LRCH1: variants seen among roughly 807,000 people sequenced by gnomAD.
LRCH1 encodes the protein leucine-rich repeat and calponin homology domain-containing protein 1.
In LRCH1, 23 loss-of-function variants were observed where a neutral mutation model predicts 94.9. The observed-to-expected ratio is 0.24, with a 90% CI of 0.17 to 0.34. LRCH1 has a LOEUF of 0.34. Among genes scored for constraint, LRCH1 ranks in the 10% least tolerant of loss-of-function variants. The pLI is 1.00. For missense variants in LRCH1, 790 were observed against 945.9 expected, an observed-to-expected ratio of 0.84 and a Z score of 2.16; for synonymous variants, 364 against 354.9, an observed-to-expected ratio of 1.03 and a Z score of -0.29.
intron 7 of LRCH1, among the ~76,000 whole-genome samples, chr13:46,692,202 GAA>G (rs1870934319): frequency 2.0e-5 from 3 of 152,062 alleles, no homozygotes; most frequent in Non-Finnish European, 4.4e-5. Context: ...ACAGAGAGAA[GAA>G]AACACAGAGA....
chr13:46,566,524 T>G (rs1460269967), intron 1 of LRCH1, among the ~76,000 whole-genome samples: 2 of 152,194 alleles, frequency 1.3e-5, no homozygotes, highest in Admixed American at 1.3e-4. Flanking sequence ...AGAACACCCT[T>G]GTGAGGTCGG....
intron 1 of LRCH1, among the ~76,000 whole-genome samples, chr13:46,600,594 G>GT (rs1011282389): frequency 1.4e-4 from 19 of 138,764 alleles, no homozygotes; most frequent in African/African-American, 4.6e-4. Context: ...ATGTTTTACA[G>GT]TTTTTTTACA....
chr13:46,667,219 G>T (rs1238880838), intron 2 of LRCH1, among the ~76,000 whole-genome samples: 2 of 152,098 alleles, frequency 1.3e-5, no homozygotes, highest in African/African-American at 4.8e-5. Flanking sequence ...GTAATTGAGT[G>T]CCCTGGAGCA....
At chr13:46,607,908 C>T (rs968857832) in intron 1 of LRCH1, among the ~76,000 whole-genome samples, 2 of 152,138 alleles carry the variant, frequency 1.3e-5, no homozygotes, top group Admixed American at 1.3e-4. Flanking sequence ...GGCTGTTCAT[C>T]TCTAATATAG....
At chr13:46,714,700 C>A (rs555956302) in intron 15 of LRCH1, among the ~76,000 whole-genome samples, 23 of 152,140 alleles carry the variant, frequency 1.5e-4, no homozygotes, top group African/African-American at 4.8e-4. Flanking sequence ...TTTATTTTAC[C>A]GGCCCTGCCT....
At chr13:46,683,158 T>G (rs1440413871) in intron 4 of LRCH1, among the ~76,000 whole-genome samples, 1 of 152,258 alleles carries the variant, frequency 6.6e-6, no homozygotes, top group South Asian at 2.1e-4. Flanking sequence ...CTGACATTAA[T>G]GGAACAATTT....
Position 46,735,788 on chromosome 13 carries a change from C to CTTTTTTTTTTTTTTTTTTTTT in LRCH1, c.2085+1794_2085+1795insTTTTTTTTTTTTTTTTTTTTT, listed in dbSNP as rs1288570749. ...AGGTGATTTTCCTTTTTTTCTTTTT[C>CTTTTTTTTTTTTTTTTTTTTT]TTTTCTTTTTTTTTTTTTTTTCGAG... is the stretch of plus-strand genomic sequence containing the variant. On this transcript the variant is annotated intron_variant, in intron 19 of 19. Coordinates refer to ENST00000389797, the MANE Select transcript of LRCH1 (RefSeq NM_001164211.2). Among the ~76,000 whole-genome samples the CTTTTTTTTTTTTTTTTTTTTT allele has an allele frequency of 2.9e-5, 2 of 69,916 alleles. 1 individual carries two copies. 45.9% of individuals were successfully genotyped at this position (69,916 alleles called of 152,430 possible).
chr13:46,685,867 G>GT lies in LRCH1; in HGVS notation c.686-32dup, dbSNP rs773478041. On this transcript the variant is annotated intron_variant, in intron 4 of 19. Coordinates refer to ENST00000389797, the MANE Select transcript of LRCH1 (RefSeq NM_001164211.2). ...CCATTTAATCTTATTGATTTCTAAG[G>GT]TTTTTTCTTTCTTTTTTTCTTTTTT... 18 of 1,410,382 alleles carry GT rather than the reference G, an allele frequency of 1.3e-5. No homozygotes were observed. In the Admixed American group the frequency reaches 2.1e-4, roughly 17 times the overall value. The allele number at this position is 1,410,382 out of a possible 1,614,324, so 87.4% of individuals were successfully genotyped here.
intron 1 of LRCH1, among the ~76,000 whole-genome samples, chr13:46,614,656 A>G (rs1487416726): frequency 1.3e-5 from 2 of 152,170 alleles, no homozygotes; most frequent in Admixed American, 1.3e-4. Flanking sequence ...GTTGTTTTTC[A>G]TTTGAAAATG....
At chr13:46,586,782 G>C (rs367785432) in intron 1 of LRCH1, among the ~76,000 whole-genome samples, 40 of 152,216 alleles carry the variant, frequency 2.6e-4, no homozygotes, top group African/African-American at 8.7e-4. Flanking sequence ...TTAACAGTGA[G>C]GGGTAGGCGC....
intron 16 of LRCH1, among the ~76,000 whole-genome samples, chr13:46,717,935 G>C (rs1463158649): frequency 6.6e-6 from 1 of 152,118 alleles, no homozygotes; most frequent in Non-Finnish European, 1.5e-5. Flanking sequence ...AGTTCTCAAA[G>C]TCCCCAAAGT....
rs1456358808 is a variant in LRCH1 at position 46,681,777 on chromosome 13, C to G, written c.616C>G (p.Gln206Glu). The G allele has an allele frequency of 1.9e-6, 3 of 1,613,582 alleles. No individual in the cohort carries two copies. The Admixed American group carries it at 5.0e-5, about 27-fold the overall frequency. Residue 206 changes from glutamine to glutamate, a missense_variant, in exon 4 of 20, where the codon CAG (glutamine) becomes GAG (glutamate). Gln to Glu is a conservative substitution (Grantham distance 29). This residue lies in a region of LRCH1 where 194 missense variants were observed against 293.5 expected (regional missense o/e 0.66). Coordinates refer to ENST00000389797, the MANE Select transcript of LRCH1 (RefSeq NM_001164211.2). The stretch of plus-strand genomic sequence containing the variant: ...CAACGAGATCACAGCGTTGCCCCAG[C>G]AGATAGGTCAGTTGAAATCTCTACG... ...SCNEITALPQQIGQLKSLREL... is the reference protein window; with the variant it reads ...SCNEITALPQEIGQLKSLREL...
chr13:46,745,372 A>T (rs1163759294), downstream of LRCH1, among the ~76,000 whole-genome samples: 1 of 152,070 alleles, frequency 6.6e-6, no homozygotes, highest in Non-Finnish European at 1.5e-5. Context: ...TGGAACGGGT[A>T]CAGGATTCTG....
chr13:46,680,634 T>TA (rs2051737998), intron 3 of LRCH1, among the ~76,000 whole-genome samples: 1 of 152,150 alleles, frequency 6.6e-6, no homozygotes, highest in East Asian at 1.9e-4. Context: ...AATTATGAAA[T>TA]ACTGAAAACT....
chr13:46,588,839 G>C (rs1178489106), intron 1 of LRCH1, among the ~76,000 whole-genome samples: 2 of 151,948 alleles, frequency 1.3e-5, no homozygotes, highest in African/African-American at 4.8e-5. Flanking sequence ...CTGATCTCAG[G>C]TGATCTGCCT....
In LRCH1 at chr13:46,660,097, C is replaced by T. The variant is rs1853575; in HGVS notation, c.453-8933C>T. 7.6e-3 allele frequency among the ~76,000 whole-genome samples: 1,059 copies of T among 139,572 alleles called. 19 individuals carry two copies. The highest frequency in any genetic ancestry group is 0.026 in the African/African-American group (992 of 38,392). 91.6% of individuals were successfully genotyped at this position (139,572 alleles called of 152,430 possible). On this transcript the variant is annotated intron_variant, in intron 2 of 19. Coordinates refer to ENST00000389797, the MANE Select transcript of LRCH1 (RefSeq NM_001164211.2). ...CGCGATCTCTGCTCACTGCAAGCTC[C>T]GCCTCCTTGGTTCACGCCATTCTCC... is the stretch of plus-strand genomic sequence containing the variant.
At chr13:46,701,324 T>A in intron 11 of LRCH1, 117 bp downstream of exon 11, 1 of 640,822 alleles carries the variant, frequency 1.6e-6, no homozygotes, top group Non-Finnish European at 2.7e-6. Context: ...GTCCAGCTAC[T>A]AACAAAGAAA....
intron 15 of LRCH1, among the ~76,000 whole-genome samples, chr13:46,713,988 G>A (rs1019235033): frequency 2.6e-5 from 4 of 152,186 alleles, no homozygotes; most frequent in Admixed American, 1.3e-4. Context: ...TCTTTTGAAT[G>A]TATAACTTGC....
At position 46,686,952 on chromosome 13, in the gene LRCH1, A is replaced by ATTTTTTTTTTTTTTTTTTTTTTTTTTTT. The variant is rs71077916; in HGVS notation, c.823-876_823-875insTTTTTTTTTTTTTTTTTTTTTTTTTTTT. The stretch of plus-strand genomic sequence containing the variant: ...TGAATTTGTTTCATGGAGTATATTG[A>ATTTTTTTTTTTTTTTTTTTTTTTTTTTT]TTTTTTTTTTTTTTTTTTTTTTTTG... On this transcript the variant is annotated intron_variant, in intron 5 of 19. Transcript: ENST00000389797. Among the ~76,000 whole-genome samples the ATTTTTTTTTTTTTTTTTTTTTTTTTTTT allele has an allele frequency of 2.3e-5, 2 of 85,436 alleles. 1 individual carries two copies. The highest frequency in any genetic ancestry group is 9.3e-5 in the African/African-American group (2 of 21,444). 56.0% of individuals were successfully genotyped at this position (85,436 alleles called of 152,430 possible).
Sources: gnomAD v4.1 joint callset for allele counts (sites outside exome capture counted in the v4.1 genomes callset) on GRCh38, gnomAD v4.1.1 for gene constraint, gnomAD v4.1.1 regional missense constraint, MANE v1.5 for transcripts, NCBI Gene and HGNC (gene_info 2026-07-23, HGNC 2026-07-21) for gene names.